The following PI4KA variants were observed in gnomAD, a reference collection of about 807,000 sequenced individuals.
PI4KA encodes PI4-kinase alpha.
PI4KA carries 122 observed loss-of-function variants against 271.4 expected under a neutral mutation model. The observed-to-expected ratio is 0.45, with a 90% confidence interval of 0.39 to 0.52. The LOEUF (loss-of-function observed/expected upper bound fraction) is 0.52, where lower values mean the gene tolerates loss of function less well. Ranked by LOEUF, PI4KA falls within the 20% of genes least tolerant of loss-of-function variation. PI4KA has a pLI of 0.00. For synonymous variants in PI4KA, 1,041 were observed against 1,078.8 expected (o/e 0.96, Z 0.69); for missense variants, 1,969 against 2,769.1 (o/e 0.71, Z 6.48).
intron 32 of PI4KA, among the ~76,000 whole-genome samples, chr22:20,741,904 C>T (rs893954190): frequency 3.3e-5 from 5 of 152,170 alleles, no homozygotes; most frequent in Admixed American, 6.5e-5. Flanking sequence ...AAAACATTCC[C>T]GTGGACAAAC....
intron 18 of PI4KA, among the ~76,000 whole-genome samples, chr22:20,794,108 T>C (rs116931966): frequency 0.03 from 4,523 of 152,336 alleles, 88 homozygotes; most frequent in Middle Eastern, 0.061. Flanking sequence ...AAAAATTTTT[T>C]TGAAAATTTA....
chr22:20,802,597 G>A (rs930634371), intron 13 of PI4KA, among the ~76,000 whole-genome samples: 2 of 152,136 alleles, frequency 1.3e-5, no homozygotes, highest in African/African-American at 4.8e-5. Context: ...ATGCAGTGGC[G>A]CTATCACAGC....
intron 3 of PI4KA, among the ~76,000 whole-genome samples, chr22:20,824,779 C>CACACACAA (rs1555905118): frequency 2.4e-5 from 3 of 124,402 alleles, no homozygotes; most frequent in East Asian, 4.8e-4. Flanking sequence ...CACACACACA[C>CACACACAA]AAAACACTCG....
intron 1 of PI4KA, among the ~76,000 whole-genome samples, chr22:20,844,453 G>A (rs1236282227): frequency 2.0e-5 from 3 of 152,190 alleles, no homozygotes; most frequent in African/African-American, 4.8e-5. Flanking sequence ...ACGGATGGAA[G>A]AACTCTCAAA....
At chr22:20,805,780 C>A (rs921380716) in intron 10 of PI4KA, among the ~76,000 whole-genome samples, 23 of 146,742 alleles carry the variant, frequency 1.6e-4, no homozygotes, top group African/African-American at 5.8e-4. Flanking sequence ...TGCAGTGAGC[C>A]AAGATCGTGC....
chr22:20,721,067 G>A (rs980745621), intron 43 of PI4KA, among the ~76,000 whole-genome samples: 40 of 152,188 alleles, frequency 2.6e-4, no homozygotes, highest in Non-Finnish European at 5.9e-5. Context: ...GGTCTCACTC[G>A]CACTTGGGAG....
chr22:20,799,077 C>A lies in PI4KA; in HGVS notation c.2004+16G>T. 1 of 1,609,542 alleles carries A rather than the reference C, an allele frequency of 6.2e-7. No individual in the cohort carries two copies. The highest frequency in any genetic ancestry group is 8.5e-7 in the Non-Finnish European group (1 of 1,177,234). On this transcript the variant is annotated intron_variant, in intron 16 of 54. Coordinates refer to ENST00000255882, the MANE Select transcript of PI4KA (RefSeq NM_058004.4). ...TTGCACAGGGTTAGTGGTGTTCTGG[C>A]TCTGGCCTCCCTTACATTTCCGGTG...
chr22:20,789,326 T>C (rs182219034), intron 19 of PI4KA, among the ~76,000 whole-genome samples: 6 of 152,190 alleles, frequency 3.9e-5, no homozygotes, highest in Non-Finnish European at 5.9e-5. Flanking sequence ...TTTATTTATT[T>C]ATTCATTTAT....
intron 35 of PI4KA, 79 bp from the exon 36 acceptor site, chr22:20,733,177 G>A (rs1004676763): frequency 6.0e-6 from 9 of 1,506,724 alleles, no homozygotes; most frequent in South Asian, 1.1e-5. Flanking sequence ...GCAGTGAGAA[G>A]GTGATGCAGA....
At chr22:20,761,427 G>A in intron 22 of PI4KA, 41 bp from the exon 23 acceptor site, 1 of 1,275,164 alleles carries the variant, frequency 7.8e-7, no homozygotes, top group Non-Finnish European at 1.1e-6. Context: ...GAAAAATCTG[G>A]GCCCTCCCTA....
intron 23 of PI4KA, among the ~76,000 whole-genome samples, chr22:20,761,041 C>G (rs1931909199): frequency 1.3e-5 from 2 of 152,192 alleles, no homozygotes; most frequent in Non-Finnish European, 2.9e-5. Flanking sequence ...CCGAGGAGCC[C>G]TGGTCCCTCT....
rs112318252 is a variant in PI4KA, at chr22:20,768,700, G to C, written c.2329-3007C>G. On this transcript the variant is annotated intron_variant, in intron 19 of 54. Transcript: ENST00000255882. ...CACACCTCTGCTTGAGAGCCGCCAGGGCACTGTGTCCTTGGGAAGAGTGGG... is the reference window on the plus strand; with the variant it reads ...CACACCTCTGCTTGAGAGCCGCCAGCGCACTGTGTCCTTGGGAAGAGTGGG... Among the ~76,000 whole-genome samples, 1,117 of 152,276 alleles carry C rather than the reference G, an allele frequency of 7.3e-3. 12 individuals are homozygous for C. Among genetic ancestry groups the C allele is most frequent in the African/African-American group, 0.025 (1,040 of 41,536 alleles).
At position 20,747,596 on chromosome 22, in the gene PI4KA, T is replaced by C; in HGVS notation, c.3350A>G (p.Asn1117Ser). The C allele has an allele frequency of 6.2e-7, 1 of 1,614,062 alleles. No individual in the cohort carries two copies. The highest frequency in any genetic ancestry group is 8.5e-7 in the Non-Finnish European group (1 of 1,179,988). The change falls in exon 29 of 55, where the codon AAC becomes AGC. Residue 1117 changes from asparagine to serine, a missense_variant. By Grantham distance (46) the Asn-to-Ser change is conservative. Transcript: ENST00000255882. The stretch of plus-strand genomic sequence containing the variant: ...GCTCGCACATACCCCAAGAGTTGTG[T>C]TCTGCTTGTTGTAGCCAGCAAAGTG... Reference protein sequence around the residue: ...ILHFAGYNKQNTTLGATQLSE... With the variant: ...ILHFAGYNKQSTTLGATQLSE...
At chr22:20,717,654 G>A (rs1171009072) in intron 45 of PI4KA, 54 bp downstream of exon 45, 31 of 1,399,294 alleles carry the variant, frequency 2.2e-5, no homozygotes, top group South Asian at 1.4e-4. Flanking sequence ...TTCACGCCCC[G>A]CCGCCCGCCT....
At position 20,765,641 on chromosome 22, in the gene PI4KA, A is replaced by T; in HGVS notation, c.2381T>A (p.Leu794His). Residue 794 changes from leucine to histidine, a missense_variant, in exon 20 of 55, where the codon CTC becomes CAC. Coordinates refer to ENST00000255882, the MANE Select transcript of PI4KA (RefSeq NM_058004.4). ...GGAATACAGCCAGAAGTCTCGGAAGAGCTTCTGTAACCGAGGCTTAGCTTC... is the reference window on the plus strand; with the variant it reads ...GGAATACAGCCAGAAGTCTCGGAAGTGCTTCTGTAACCGAGGCTTAGCTTC... ...IKEAKPRLQKLFRDFWLYSVL... is the reference protein window; with the variant it reads ...IKEAKPRLQKHFRDFWLYSVL... 6.2e-7 allele frequency: 1 copy of T among 1,611,386 alleles called. No individual in the cohort carries two copies. Among genetic ancestry groups the T allele is most frequent in the Non-Finnish European group, 8.5e-7 (1 of 1,177,722 alleles).
At chr22:20,745,649 A>G (rs1157165309) in intron 29 of PI4KA, among the ~76,000 whole-genome samples, 1 of 152,178 alleles carries the variant, frequency 6.6e-6, no homozygotes, top group African/African-American at 2.4e-5. Flanking sequence ...CATTTTCTGG[A>G]AACAATGCGG....
chr22:20,747,650 C>T lies in PI4KA; in HGVS notation c.3296G>A (p.Gly1099Glu). The change falls in exon 29 of 55, where the codon GGG becomes GAG. Residue 1099 changes from glycine (G) to glutamate (E), a missense_variant. Physicochemically the swap from Gly to Glu is moderately conservative, Grantham distance 98 (BLOSUM62 -2). Coordinates refer to ENST00000255882, the MANE Select transcript of PI4KA (RefSeq NM_058004.4). The part of the protein sequence containing the change: ...NWVSGLSQHT[G>E]LAMATESILH... ...GATGCTCTCAGTGGCCATGGCCAGC[C>T]CCGTGTGCTGGGACAGTCCCGATAC... 6.2e-7 allele frequency: 1 copy of T among 1,613,136 alleles called. No homozygotes were observed. The highest frequency in any genetic ancestry group is 8.5e-7 in the Non-Finnish European group (1 of 1,179,116).
chr22:20,716,401 A>G (rs978077472), intron 45 of PI4KA, among the ~76,000 whole-genome samples: 1 of 152,148 alleles, frequency 6.6e-6, no homozygotes, highest in Non-Finnish European at 1.5e-5. Flanking sequence ...AAATAAGAGG[A>G]CAAGGGAAAG....
chr22:20,826,517 C>T (rs915101700), intron 3 of PI4KA, among the ~76,000 whole-genome samples: 3 of 151,974 alleles, frequency 2.0e-5, no homozygotes, highest in South Asian at 2.1e-4. Flanking sequence ...AACATACTTA[C>T]GCATGCATCT....
Sources: allele counts gnomAD v4.1 joint callset (sites outside exome capture counted in the v4.1 genomes callset), GRCh38; gene constraint gnomAD v4.1.1; transcripts MANE v1.5; gene names NCBI Gene and HGNC (gene_info 2026-07-23, HGNC 2026-07-21).